Variants in CSMD1 observed in about 807,000 individuals in gnomAD.
CSMD1 encodes CUB and Sushi multiple domains 1.
In CSMD1, 213 loss-of-function variants were observed where a neutral mutation model predicts 417.5. The ratio of observed to expected loss-of-function variants is 0.51; its 90% CI spans 0.46 to 0.57. The LOEUF (loss-of-function observed/expected upper bound fraction) is 0.57. CSMD1 is among the 20% of genes least tolerant of loss of function. The probability of loss-of-function intolerance (pLI) is 0.00; values close to 1 mark genes in which losing one functional copy is unlikely to be tolerated. For synonymous variants in CSMD1, 2,862 were observed against 1,736.8 expected, an observed-to-expected ratio of 1.65 and a Z score of -16.11; for missense variants, 6,923 against 4,529.7, an observed-to-expected ratio of 1.53 and a Z score of -15.17.
chr8:3,475,940 G>C lies in CSMD1; in HGVS notation c.1449-7116C>G, dbSNP rs537299762. Among the ~76,000 whole-genome samples, 5 of 152,232 alleles carry C rather than the reference G, an allele frequency of 3.3e-5. 1 individual carries two copies. The East Asian group carries it at 5.8e-4, about 18-fold the overall frequency. Reference sequence around the variant, plus strand: ...AGATACAGTAACTTTATGATGTTTTGGTTACTTGTCATTTTACTGTGTAGA... The same window carrying C: ...AGATACAGTAACTTTATGATGTTTTCGTTACTTGTCATTTTACTGTGTAGA... On this transcript the variant is annotated intron_variant, in intron 11 of 69. Transcript: ENST00000635120.
chr8:3,514,879 T>A (rs1797222978), intron 10 of CSMD1, among the ~76,000 whole-genome samples: 1 of 152,078 alleles, frequency 6.6e-6, no homozygotes, highest in Admixed American at 6.6e-5. Flanking sequence ...ATCAGAGAAA[T>A]AAAATAAATT....
At chr8:4,474,145 C>G (rs1459189719) in intron 2 of CSMD1, among the ~76,000 whole-genome samples, 1 of 152,050 alleles carries the variant, frequency 6.6e-6, no homozygotes, top group Non-Finnish European at 1.5e-5. Flanking sequence ...ATTTGCCTGC[C>G]TTACAACACA....
chr8:4,004,627 A>G (rs867627555), intron 4 of CSMD1, among the ~76,000 whole-genome samples: 7 of 152,144 alleles, frequency 4.6e-5, no homozygotes, highest in East Asian at 1.9e-4. Context: ...ATTCTACAAT[A>G]TATTTTAGAT....
intron 16 of CSMD1, among the ~76,000 whole-genome samples, chr8:3,397,813 G>T (rs1811794185): frequency 6.6e-6 from 1 of 152,136 alleles, no homozygotes; most frequent in Admixed American, 6.6e-5. Context: ...GATGTTCTTT[G>T]CTGTTGGGCA....
chr8:3,684,969 G>A (rs77115321), intron 7 of CSMD1, among the ~76,000 whole-genome samples: 3,851 of 152,236 alleles, frequency 0.025, 175 homozygotes, highest in African/African-American at 0.087. Flanking sequence ...ATAACCTGTG[G>A]TAGGAAAGTC....
chr8:2,949,362 C>A lies in CSMD1; in HGVS notation c.10339G>T (p.Gly3447Ter). 1 of 1,603,304 alleles carries A rather than the reference C, an allele frequency of 6.2e-7. No individual in the cohort carries two copies. The highest frequency in any genetic ancestry group is 8.5e-7 in the Non-Finnish European group (1 of 1,174,470). ...GYVSSGLERG[G>*]FTFQGDIHGK... ...TGAATGTCACCTTGAAAAGTAAATC[C>A]TCCTCTTTCAAGTCCAGATGACACC... is the stretch of plus-strand genomic sequence containing the variant. Residue 3447 changes from glycine to a stop codon, truncating the protein, a stop_gained, in exon 68 of 70, where the codon GGA (glycine) becomes TGA (stop). Transcript: ENST00000635120. LOFTEE classifies it high-confidence loss of function.
In CSMD1 at chr8:4,351,877, G is replaced by C. The variant is rs117621689; in HGVS notation, c.415+68076C>G. 8.9e-3 allele frequency among the ~76,000 whole-genome samples: 1,354 copies of C among 151,716 alleles called. 10 individuals are homozygous for C. Among genetic ancestry groups the C allele is most frequent in the Middle Eastern group, 0.017 (5 of 294 alleles). Reference sequence around the variant, plus strand: ...CTGGTCATTATATACGACAGGACTTGTATGTGGATTACGCACTACAGAAAC... The same window carrying C: ...CTGGTCATTATATACGACAGGACTTCTATGTGGATTACGCACTACAGAAAC... On this transcript the variant is annotated intron_variant, in intron 3 of 69. Transcript: ENST00000635120.
chr8:4,780,196 G>A (rs995728695), intron 1 of CSMD1, among the ~76,000 whole-genome samples: 6 of 152,182 alleles, frequency 3.9e-5, no homozygotes, highest in Non-Finnish European at 5.9e-5. Context: ...TATGATAGGG[G>A]ATTATGTGTA....
intron 2 of CSMD1, among the ~76,000 whole-genome samples, chr8:4,602,137 G>T (rs537616978): frequency 1.3e-5 from 2 of 152,238 alleles, no homozygotes; most frequent in East Asian, 3.9e-4. Flanking sequence ...TGCTCCCCCA[G>T]TTCCCTAAGG....
chr8:4,100,169 C>T (rs1274863391), intron 3 of CSMD1, among the ~76,000 whole-genome samples: 1 of 152,118 alleles, frequency 6.6e-6, no homozygotes, highest in Non-Finnish European at 1.5e-5. Context: ...TAAAATGGGG[C>T]ATATACTACC....
intron 6 of CSMD1, among the ~76,000 whole-genome samples, chr8:3,742,628 C>G (rs1010361348): frequency 2.0e-5 from 3 of 152,104 alleles, no homozygotes; most frequent in Non-Finnish European, 4.4e-5. Context: ...GTCCACTTTT[C>G]CTTCTGCTCG....
intron 2 of CSMD1, among the ~76,000 whole-genome samples, chr8:4,440,313 G>C (rs1207876855): frequency 6.6e-6 from 1 of 152,262 alleles, no homozygotes; most frequent in East Asian, 1.9e-4. Flanking sequence ...GAATCAGCTG[G>C]AAAGTCTATT....
At chr8:4,193,594 C>T (rs79948873) in intron 3 of CSMD1, among the ~76,000 whole-genome samples, 2,827 of 152,082 alleles carry the variant, frequency 0.019, 104 homozygotes, top group African/African-American at 0.064. Flanking sequence ...GGATGAGGGT[C>T]CCACCGGGCC....
chr8:4,632,907 C>G (rs890612717), intron 2 of CSMD1, among the ~76,000 whole-genome samples: 5 of 152,154 alleles, frequency 3.3e-5, no homozygotes, highest in African/African-American at 1.2e-4. Context: ...CAAGGAGTAA[C>G]CCACAGATCT....
At chr8:4,927,985 A>C (rs1156984565) in intron 1 of CSMD1, among the ~76,000 whole-genome samples, 5 of 152,098 alleles carry the variant, frequency 3.3e-5, no homozygotes, top group African/African-American at 4.8e-5. Flanking sequence ...AGTCTGTGTA[A>C]AGCTCCCGAG....
intron 3 of CSMD1, among the ~76,000 whole-genome samples, chr8:4,248,813 T>G (rs989422947): frequency 5.9e-5 from 9 of 152,122 alleles, no homozygotes; most frequent in Non-Finnish European, 1.2e-4. Flanking sequence ...CTTTGCCTAA[T>G]TTGGTGACTG....
chr8:3,709,700 TTTTTTTTTTCCCTGCTTTCTGC>T, intron 6 of CSMD1, among the ~76,000 whole-genome samples: 1 of 135,396 alleles, frequency 7.4e-6, no homozygotes, highest in Non-Finnish European at 1.6e-5. Context: ...TTTTTTTTTT[TTTTTTTTTTCCCTGCTTTCTGC>T]TTTCTGACTG....
chr8:3,171,027 T>C (rs1399643189), intron 37 of CSMD1, among the ~76,000 whole-genome samples: 2 of 152,170 alleles, frequency 1.3e-5, no homozygotes, highest in African/African-American at 4.8e-5. Flanking sequence ...TTGGAATAAA[T>C]CTGAGCATGG....
chr8:4,060,990 C>T (rs565576842), intron 3 of CSMD1, among the ~76,000 whole-genome samples: 1 of 152,042 alleles, frequency 6.6e-6, no homozygotes, highest in Non-Finnish European at 1.5e-5. Flanking sequence ...TGCTTGTGAG[C>T]AAGCAAAGCA....
Sources: gnomAD v4.1 joint callset for allele counts (sites outside exome capture counted in the v4.1 genomes callset) on GRCh38, gnomAD v4.1.1 for gene constraint, MANE v1.5 for transcripts, NCBI Gene and HGNC (gene_info 2026-07-23, HGNC 2026-07-21) for gene names.